MTHFD1L: variants seen among roughly 807,000 people sequenced by gnomAD.
The protein encoded by MTHFD1L is methylenetetrahydrofolate dehydrogenase (NADP+ dependent) 1 like.
MTHFD1L carries 81 observed loss-of-function variants against 119.5 expected under a neutral mutation model. The observed-to-expected ratio is 0.68, with a 90% CI of 0.57 to 0.82. The LOEUF (loss-of-function observed/expected upper bound fraction) is 0.82, where lower values mean the gene tolerates loss of function less well. Ranked by LOEUF, MTHFD1L falls within the 40% of genes least tolerant of loss-of-function variation. The pLI is 0.00. For synonymous variants in MTHFD1L, 430 were observed against 475.2 expected (o/e 0.90, Z 1.24); for missense variants, 1,125 against 1,253.4 (o/e 0.90, Z 1.55).
chr6:150,968,549 G>A lies in MTHFD1L; in HGVS notation c.2014-3398G>A, dbSNP rs11969896. Among the ~76,000 whole-genome samples, 660 of 152,134 alleles carry A rather than the reference G, an allele frequency of 4.3e-3. 8 individuals are homozygous for A. Among genetic ancestry groups the A allele is most frequent in the African/African-American group, 0.015 (623 of 41,492 alleles). Reference sequence around the variant, plus strand: ...TTTTGAGACGGAGTCTCTCCCTGTCGCCCAGCCTGGAGTGCAATGGTGGGA... The same window carrying A: ...TTTTGAGACGGAGTCTCTCCCTGTCACCCAGCCTGGAGTGCAATGGTGGGA... On this transcript the variant is annotated intron_variant, in intron 19 of 27. Coordinates refer to ENST00000367321, the MANE Select transcript of MTHFD1L (RefSeq NM_015440.5).
At chr6:150,933,273 C>T (rs1030661276) in intron 11 of MTHFD1L, among the ~76,000 whole-genome samples, 3 of 152,102 alleles carry the variant, frequency 2.0e-5, no homozygotes, top group African/African-American at 7.2e-5. Context: ...TCATGTGACA[C>T]AGTTTAGGTA....
chr6:150,919,642 C>T (rs562720375), intron 9 of MTHFD1L, among the ~76,000 whole-genome samples: 12 of 152,200 alleles, frequency 7.9e-5, no homozygotes, highest in African/African-American at 2.4e-4. Context: ...TCTCACAAGG[C>T]GGGAACAGGA....
chr6:150,966,311 A>C (rs1797207919), intron 19 of MTHFD1L, among the ~76,000 whole-genome samples: 1 of 152,160 alleles, frequency 6.6e-6, no homozygotes, highest in Non-Finnish European at 1.5e-5. Flanking sequence ...CACATGGCAG[A>C]ACAGGAGAGA....
intron 26 of MTHFD1L, among the ~76,000 whole-genome samples, chr6:151,047,904 G>C (rs1788348859): frequency 6.6e-6 from 1 of 152,284 alleles, no homozygotes; most frequent in Middle Eastern, 3.4e-3. Flanking sequence ...GGGAAGCATG[G>C]CTGGGGAGGC....
intron 1 of MTHFD1L, 84 bp downstream of exon 1, chr6:150,866,133 G>A: frequency 7.0e-7 from 1 of 1,434,792 alleles, no homozygotes; most frequent in African/African-American, 1.5e-5. Flanking sequence ...CCGCCGTGGG[G>A]AGCGGGGCGC....
rs538916674 is a variant in MTHFD1L, at chr6:150,871,482, C to G, written c.228-4608C>G. On this transcript the variant is annotated intron_variant, in intron 1 of 27. Coordinates refer to ENST00000367321, the MANE Select transcript of MTHFD1L (RefSeq NM_015440.5). The stretch of plus-strand genomic sequence containing the variant: ...AACTGCTTTACCAAGTACTTGATAT[C>G]AACTACTGTAATCTTTTTTTTTTTT... Among the ~76,000 whole-genome samples, 27 of 145,848 alleles carry G rather than the reference C, an allele frequency of 1.9e-4. No individual in the cohort carries two copies. The East Asian group carries it at 5.5e-3, about 30-fold the overall frequency.
intron 7 of MTHFD1L, among the ~76,000 whole-genome samples, chr6:150,904,773 C>A (rs1442699450): frequency 6.6e-6 from 1 of 152,130 alleles, no homozygotes; most frequent in Admixed American, 6.6e-5. Context: ...ACTGGATGAT[C>A]AAAATGCAAA....
chr6:151,066,746 T>G (rs560480772), intron 26 of MTHFD1L, among the ~76,000 whole-genome samples: 1 of 144,806 alleles, frequency 6.9e-6, no homozygotes, highest in Admixed American at 7.1e-5. Flanking sequence ...GCCTGGGCAA[T>G]AGAGCAAAAC....
chr6:151,047,178 GA>G (rs1788222277), intron 26 of MTHFD1L, among the ~76,000 whole-genome samples: 2 of 152,244 alleles, frequency 1.3e-5, no homozygotes, highest in South Asian at 4.1e-4. Flanking sequence ...TAATTGATAG[GA>G]AAAAGAGTTA....
chr6:150,974,045 G>A (rs1776187253), intron 20 of MTHFD1L, among the ~76,000 whole-genome samples: 1 of 152,166 alleles, frequency 6.6e-6, no homozygotes, highest in African/African-American at 2.4e-5. Context: ...GTAAGTGGGG[G>A]GGTTTTTCAT....
intron 27 of MTHFD1L, among the ~76,000 whole-genome samples, chr6:151,097,003 TG>T (rs1794943516): frequency 6.6e-6 from 1 of 152,250 alleles, no homozygotes; most frequent in Admixed American, 6.5e-5. Flanking sequence ...ATAGATTTTT[TG>T]TCCCAGTGAA....
intron 14 of MTHFD1L, 62 bp downstream of exon 14, chr6:150,944,655 G>A: frequency 7.9e-7 from 1 of 1,260,760 alleles, no homozygotes; most frequent in Non-Finnish European, 1.1e-6. Flanking sequence ...GGATTCTTAA[G>A]GAGTTTGTGG....
intron 7 of MTHFD1L, among the ~76,000 whole-genome samples, chr6:150,904,115 G>C (rs528324559): frequency 6.6e-6 from 1 of 152,136 alleles, no homozygotes; most frequent in African/African-American, 2.4e-5. Context: ...GCACCCTTTT[G>C]CCCAAATAGT....
At position 150,949,100 on chromosome 6, in the gene MTHFD1L, G is replaced by C. The variant is rs367558632; in HGVS notation, c.1693G>C (p.Asp565His). 3 of 1,613,972 alleles carry C rather than the reference G, an allele frequency of 1.9e-6. No individual in the cohort carries two copies. In the Admixed American group the frequency reaches 5.0e-5, roughly 27 times the overall value. The stretch of plus-strand genomic sequence containing the variant: ...GGAAGTGAGTAAATTTGCCCGTCTC[G>C]ACATCGACCCATCTACCATCACGTG... The part of the protein sequence containing the change: ...EEEVSKFARL[D>H]IDPSTITWQR... Residue 565 changes from aspartate to histidine, a missense_variant, in exon 16 of 28, where the codon GAC (aspartate) becomes CAC (histidine). By Grantham distance (81) the Asp-to-His change is moderately conservative (BLOSUM62 -1). Coordinates refer to ENST00000367321, the MANE Select transcript of MTHFD1L (RefSeq NM_015440.5).
At chr6:150,928,897 A>G (rs1342752894) in intron 11 of MTHFD1L, among the ~76,000 whole-genome samples, 1 of 152,124 alleles carries the variant, frequency 6.6e-6, no homozygotes, top group Admixed American at 6.6e-5. Flanking sequence ...TGAATCCCTC[A>G]GCAGTTGGCA....
chr6:151,037,501 C>A (rs546424710), intron 26 of MTHFD1L, among the ~76,000 whole-genome samples: 80 of 152,294 alleles, frequency 5.3e-4, no homozygotes, highest in African/African-American at 1.9e-3. Flanking sequence ...TCACACCAGA[C>A]AGGATCTGCC....
chr6:150,901,619 C>G (rs1158967485), intron 7 of MTHFD1L, among the ~76,000 whole-genome samples: 1 of 152,204 alleles, frequency 6.6e-6, no homozygotes, highest in African/African-American at 2.4e-5. Flanking sequence ...GAAAATCAAG[C>G]AAGGGACCAC....
chr6:151,075,601 A>G (rs1792415004), intron 26 of MTHFD1L, among the ~76,000 whole-genome samples: 1 of 152,254 alleles, frequency 6.6e-6, no homozygotes, highest in Non-Finnish European at 1.5e-5. Flanking sequence ...ATAAGGATTT[A>G]GAAGACTTAA....
intron 26 of MTHFD1L, among the ~76,000 whole-genome samples, chr6:151,048,532 A>G (rs17353892): frequency 0.056 from 8,509 of 152,230 alleles, 408 homozygotes; most frequent in Admixed American, 0.11. Flanking sequence ...GGAATCTTCA[A>G]GGAGTCTGCT....
Sources: gnomAD v4.1 joint callset for allele counts (sites outside exome capture counted in the v4.1 genomes callset) on GRCh38, gnomAD v4.1.1 for gene constraint, MANE v1.5 for transcripts, NCBI Gene and HGNC (gene_info 2026-07-23, HGNC 2026-07-21) for gene names.